The following DLGAP1 variants were observed in gnomAD, a reference collection of about 807,000 sequenced individuals.
The protein encoded by DLGAP1 is DLG associated protein 1, also known as disks large-associated protein 1.
DLGAP1 carries 11 observed loss-of-function variants against 90.8 expected under a neutral mutation model. That is an observed-to-expected ratio of 0.12 (90% CI 0.08 to 0.20). DLGAP1 has a LOEUF of 0.20. DLGAP1 is among the 10% of genes least tolerant of loss of function. DLGAP1 has a pLI of 1.00. For synonymous variants in DLGAP1, 558 were observed against 540.7 expected, an observed-to-expected ratio of 1.03 and a Z score of -0.44; for missense variants, 1,050 against 1,333.8, an observed-to-expected ratio of 0.79 and a Z score of 3.31.
chr18:3,741,208 C>T (rs1237786900), intron 6 of DLGAP1, among the ~76,000 whole-genome samples: 6 of 121,952 alleles, frequency 4.9e-5, no homozygotes, highest in African/African-American at 9.8e-5. Flanking sequence ...CAAATCACCA[C>T]CACCACCACC....
chr18:4,170,482 C>T (rs2077004178), intron 1 of DLGAP1, among the ~76,000 whole-genome samples: 2 of 151,960 alleles, frequency 1.3e-5, no homozygotes, highest in Admixed American at 1.3e-4. Flanking sequence ...GTGAAAGCCA[C>T]TGATATAATT....
intron 3 of DLGAP1, among the ~76,000 whole-genome samples, chr18:3,892,759 A>C (rs1001458759): frequency 2.6e-5 from 4 of 152,154 alleles, no homozygotes; most frequent in South Asian, 2.1e-4. Flanking sequence ...ATCTCAATTT[A>C]GGAGGTGTAG....
chr18:4,390,428 C>T (rs9966661), intron 1 of DLGAP1, among the ~76,000 whole-genome samples: 6,427 of 151,976 alleles, frequency 0.042, 428 homozygotes, highest in African/African-American at 0.15. Context: ...GCACATTCTA[C>T]GAGCTTTGAA....
intron 2 of DLGAP1, among the ~76,000 whole-genome samples, chr18:4,149,047 G>T (rs1041947233): frequency 1.1e-4 from 16 of 152,116 alleles, no homozygotes; most frequent in African/African-American, 3.9e-4. Flanking sequence ...ACACAAACAG[G>T]GTTGTTTCCA....
At chr18:3,851,073 A>T (rs1338940891) in intron 4 of DLGAP1, among the ~76,000 whole-genome samples, 1 of 152,218 alleles carries the variant, frequency 6.6e-6, no homozygotes, top group Non-Finnish European at 1.5e-5. Flanking sequence ...CTCCAAAGTC[A>T]GAGTCAGGCA....
At chr18:3,955,073 G>A (rs1001763577) in intron 3 of DLGAP1, among the ~76,000 whole-genome samples, 1 of 152,154 alleles carries the variant, frequency 6.6e-6, no homozygotes, top group African/African-American at 2.4e-5. Context: ...CAGGCTGCGG[G>A]GGGGAAGGAA....
rs375478288 is a variant in DLGAP1 at position 4,002,351 on chromosome 18, C to T, written c.-73+2765G>A. ...GACCTTTGAAGAACACAGGTTTGAA[C>T]GGCACAGGTCCATTTACATGCAGAT... On this transcript the variant is annotated intron_variant, in intron 3 of 12. Coordinates refer to ENST00000315677, the MANE Select transcript of DLGAP1 (RefSeq NM_004746.4). 5.7e-4 allele frequency among the ~76,000 whole-genome samples: 32 copies of T among 56,124 alleles called. No individual in the cohort carries two copies. The East Asian group carries it at 6.4e-3, about 11-fold the overall frequency. 36.8% of individuals were successfully genotyped at this position (56,124 alleles called of 152,430 possible).
At chr18:3,820,757 T>A (rs1598878829) in intron 4 of DLGAP1, among the ~76,000 whole-genome samples, 2 of 152,180 alleles carry the variant, frequency 1.3e-5, no homozygotes, top group East Asian at 3.8e-4. Context: ...GTGCCTATGT[T>A]ACTTTATGTT....
chr18:4,259,097 G>A (rs928212341), intron 1 of DLGAP1, among the ~76,000 whole-genome samples: 5 of 152,254 alleles, frequency 3.3e-5, no homozygotes, highest in African/African-American at 9.6e-5. Flanking sequence ...TGTTTTAACC[G>A]TGCCTGGTAC....
chr18:4,295,975 A>G (rs912810431), intron 1 of DLGAP1, among the ~76,000 whole-genome samples: 1 of 152,348 alleles, frequency 6.6e-6, no homozygotes, highest in Middle Eastern at 3.4e-3. Flanking sequence ...CCAGTCATCT[A>G]TTCTCACTGG....
chr18:3,503,236 A>T (rs1319621199), intron 11 of DLGAP1, among the ~76,000 whole-genome samples: 1 of 152,196 alleles, frequency 6.6e-6, no homozygotes, highest in Non-Finnish European at 1.5e-5. Context: ...TGCTTTGACA[A>T]AATCATTTGA....
intron 2 of DLGAP1, among the ~76,000 whole-genome samples, chr18:4,042,044 A>C (rs1482707249): frequency 6.6e-6 from 1 of 152,198 alleles, no homozygotes; most frequent in Non-Finnish European, 1.5e-5. Flanking sequence ...GATGACATCC[A>C]CGTTTCTAAG....
intron 3 of DLGAP1, among the ~76,000 whole-genome samples, chr18:3,952,819 A>G (rs1003707890): frequency 1.3e-5 from 2 of 152,210 alleles, no homozygotes; most frequent in African/African-American, 4.8e-5. Context: ...AATTATAGGC[A>G]GGAGAGAGTT....
At chr18:4,449,181 G>T (rs1359149248) in intron 1 of DLGAP1, among the ~76,000 whole-genome samples, 1 of 152,200 alleles carries the variant, frequency 6.6e-6, no homozygotes, top group Non-Finnish European at 1.5e-5. Flanking sequence ...GCCTTAAAGG[G>T]TCAGAATAAA....
At chr18:4,190,427 T>C (rs1017727925) in intron 1 of DLGAP1, among the ~76,000 whole-genome samples, 1 of 152,102 alleles carries the variant, frequency 6.6e-6, no homozygotes, top group Non-Finnish European at 1.5e-5. Flanking sequence ...TTTGAAACTA[T>C]TCTGTATGAT....
chr18:3,624,462 A>G (rs1286836126), intron 7 of DLGAP1, among the ~76,000 whole-genome samples: 1 of 152,160 alleles, frequency 6.6e-6, no homozygotes, highest in East Asian at 1.9e-4. Context: ...ATTCCAGGAA[A>G]CCAAAAGGGC....
At chr18:4,244,835 T>C (rs1185963526) in intron 1 of DLGAP1, among the ~76,000 whole-genome samples, 1 of 152,206 alleles carries the variant, frequency 6.6e-6, no homozygotes, top group Non-Finnish European at 1.5e-5. Context: ...CTCAGTGATA[T>C]CCGCTATCAT....
intron 1 of DLGAP1, among the ~76,000 whole-genome samples, chr18:4,445,280 T>G (rs564022710): frequency 6.9e-6 from 1 of 144,570 alleles, no homozygotes; most frequent in Non-Finnish European, 1.5e-5. Flanking sequence ...CCCTCTCTAA[T>G]AACTAATTAC....
chr18:3,710,793 A>T (rs536489232), intron 7 of DLGAP1, among the ~76,000 whole-genome samples: 1 of 152,230 alleles, frequency 6.6e-6, no homozygotes, highest in Admixed American at 6.5e-5. Context: ...AGATGTGAAC[A>T]TGGAGTTGGG....
Sources: allele counts gnomAD v4.1 joint callset (sites outside exome capture counted in the v4.1 genomes callset), GRCh38; gene constraint gnomAD v4.1.1; transcripts MANE v1.5; gene names NCBI Gene and HGNC (gene_info 2026-07-23, HGNC 2026-07-21).